The following SPTBN4 variants were observed in gnomAD, a reference collection of about 807,000 sequenced individuals.
SPTBN4 encodes the protein spectrin beta, non-erythrocytic 4.
A neutral mutation model predicts 277.8 loss-of-function variants in SPTBN4; 96 were observed. That is an observed-to-expected ratio of 0.35 (90% CI 0.29 to 0.41). The LOEUF is 0.41. Among genes scored for constraint, SPTBN4 ranks in the 10% least tolerant of loss-of-function variants. The pLI is 1.00. For synonymous variants in SPTBN4, 1,481 were observed against 1,580.3 expected (o/e 0.94, Z 1.49); for missense variants, 3,006 against 3,595.7 (o/e 0.84, Z 4.19).
intron 18 of SPTBN4, chr19:40,530,915 C>T (rs2080662248): frequency 6.7e-6 from 1 of 149,248 alleles, no homozygotes; most frequent in South Asian, 2.1e-4. Flanking sequence ...GGGGGCTCTT[C>T]TCCGGGTAAT....
intron 20 of SPTBN4, among the ~76,000 whole-genome samples, chr19:40,547,137 G>A (rs1212619072): frequency 3.3e-5 from 5 of 151,860 alleles, no homozygotes; most frequent in Non-Finnish European, 5.9e-5. Context: ...CCATTAACTC[G>A]TCATTTACAT....
At chr19:40,564,271 C>T (rs576091735) in intron 27 of SPTBN4, among the ~76,000 whole-genome samples, 8 of 152,058 alleles carry the variant, frequency 5.3e-5, no homozygotes, top group Non-Finnish European at 1.0e-4. Context: ...GCAGGGGAAT[C>T]GCTTGAACCT....
At chr19:40,495,100 C>A in intron 6 of SPTBN4, 123 bp downstream of exon 6, 1 of 836,862 alleles carries the variant, frequency 1.2e-6, no homozygotes, top group Non-Finnish European at 1.9e-6. Context: ...CCCTTCACCT[C>A]TACACACACA....
intron 20 of SPTBN4, among the ~76,000 whole-genome samples, chr19:40,535,522 T>G (rs1242122703): frequency 6.6e-6 from 1 of 151,784 alleles, no homozygotes; most frequent in African/African-American, 2.4e-5. Flanking sequence ...TTTGATATAT[T>G]TCCTATGTAG....
intron 6 of SPTBN4, among the ~76,000 whole-genome samples, chr19:40,496,050 T>A (rs2080193406): frequency 1.3e-5 from 2 of 152,224 alleles, no homozygotes; most frequent in South Asian, 4.1e-4. Context: ...CTCAGTGTTT[T>A]CTATGCACAG....
At chr19:40,491,730 A>AAAAAAAAAAAAAAAG (rs2080138921) in intron 4 of SPTBN4, among the ~76,000 whole-genome samples, 1 of 149,562 alleles carries the variant, frequency 6.7e-6, no homozygotes, top group African/African-American at 2.5e-5. Context: ...AAAAAAAAAA[A>AAAAAAAAAAAAAAAG]AAAAAAAAGT....
chr19:40,568,192 T>C lies in SPTBN4; in HGVS notation c.6866T>C (p.Met2289Thr), dbSNP rs780183624. The C allele has an allele frequency of 3.6e-5, 58 of 1,596,084 alleles. 1 individual carries two copies. The highest frequency in any genetic ancestry group is 4.3e-5 in the Non-Finnish European group (50 of 1,171,808). ...HSLTLGRYEQ[M>T]ERRRERRERR... ...CTTACCCTGGGCCGCTATGAGCAGA[T>C]GGAGCGGCGGCGCGAGCGGCGTGAG... Residue 2289 changes from methionine to threonine, a missense_variant, in exon 31 of 36, where the codon ATG becomes ACG. Transcript: ENST00000598249.
Position 40,534,070 on chromosome 19 carries a change from C to T in SPTBN4, c.4096-10C>T. ...TTCTCCATCTCCTGCCATCCACCCA[C>T]TTGGGGCAGGAGGGCCAGCAACTGA... On this transcript the variant is annotated splice_polypyrimidine_tract_variant and intron_variant, in intron 19 of 35. Transcript: ENST00000598249. The T allele has an allele frequency of 3.8e-6, 6 of 1,595,520 alleles. No individual in the cohort carries two copies. The highest frequency in any genetic ancestry group is 5.1e-6 in the Non-Finnish European group (6 of 1,166,422).
intron 18 of SPTBN4, among the ~76,000 whole-genome samples, chr19:40,531,054 G>A (rs1367432597): frequency 6.6e-6 from 1 of 151,768 alleles, no homozygotes; most frequent in Non-Finnish European, 1.5e-5. Flanking sequence ...CTCTGCCTTG[G>A]AAGATGAGGG....
intron 6 of SPTBN4, 145 bp from the exon 7 acceptor site, chr19:40,497,344 A>G (rs562575805): frequency 1.7e-5 from 11 of 639,010 alleles, no homozygotes; most frequent in Non-Finnish European, 3.1e-5. Flanking sequence ...TAAATGCTGC[A>G]CAGCACACAC....
At chr19:40,547,465 A>T (rs929726723) in intron 20 of SPTBN4, among the ~76,000 whole-genome samples, 12 of 152,070 alleles carry the variant, frequency 7.9e-5, no homozygotes, top group Middle Eastern at 3.2e-3. Flanking sequence ...GTCTTTGCTA[A>T]TGTGAATAGT....
chr19:40,511,489 TTTCCG>T (rs1205618630), intron 13 of SPTBN4, among the ~76,000 whole-genome samples: 2 of 152,180 alleles, frequency 1.3e-5, no homozygotes, highest in Non-Finnish European at 2.9e-5. Flanking sequence ...ATTGTGATAT[TTTCCG>T]TTCCTTCTAT....
At chr19:40,495,737 G>A (rs1222528668) in intron 6 of SPTBN4, among the ~76,000 whole-genome samples, 2 of 151,974 alleles carry the variant, frequency 1.3e-5, no homozygotes, top group Non-Finnish European at 2.9e-5. Context: ...GTACACCCAC[G>A]GATTCATACC....
At chr19:40,569,977 CACACACACACAG>C (rs2081136830) in intron 32 of SPTBN4, among the ~76,000 whole-genome samples, 1 of 146,568 alleles carries the variant, frequency 6.8e-6, no homozygotes, top group East Asian at 2.0e-4. Flanking sequence ...CACACACAGA[CACACACACACAG>C]ACACACACAC....
intron 29 of SPTBN4, 105 bp from the exon 30 acceptor site, chr19:40,566,058 C>T (rs545110941): frequency 4.1e-5 from 50 of 1,231,526 alleles, no homozygotes; most frequent in Admixed American, 2.0e-4. Context: ...GGTCAGGGCT[C>T]GGGTATGGAA....
At chr19:40,527,546 TG>T (rs1031675709) in intron 17 of SPTBN4, among the ~76,000 whole-genome samples, 9 of 152,246 alleles carry the variant, frequency 5.9e-5, no homozygotes, top group Non-Finnish European at 1.2e-4. Flanking sequence ...CAGAAAGTGT[TG>T]GGGAGTGGTC....
intron 18 of SPTBN4, among the ~76,000 whole-genome samples, chr19:40,529,495 TG>T (rs926105374): frequency 2.0e-5 from 3 of 151,880 alleles, no homozygotes; most frequent in Non-Finnish European, 2.9e-5. Flanking sequence ...CCGAGGGCCG[TG>T]GGGGGGCCAG....
chr19:40,546,225 CAA>C (rs557010488), intron 20 of SPTBN4, among the ~76,000 whole-genome samples: 45 of 69,262 alleles, frequency 6.5e-4, no homozygotes, highest in Non-Finnish European at 8.1e-4. Flanking sequence ...AACTCCATCT[CAA>C]AAAAAAAAAA....
intron 19 of SPTBN4, 35 bp downstream of exon 19, chr19:40,532,806 G>T: frequency 6.3e-7 from 1 of 1,581,460 alleles, no homozygotes; most frequent in Non-Finnish European, 8.6e-7. Flanking sequence ...CCTGTGCCAG[G>T]TGCAGGAGGC....
Sources: allele counts gnomAD v4.1 joint callset (sites outside exome capture counted in the v4.1 genomes callset), GRCh38; gene constraint gnomAD v4.1.1; transcripts MANE v1.5; gene names NCBI Gene and HGNC (gene_info 2026-07-23, HGNC 2026-07-21).